The following BRD3 variants were observed in gnomAD, a reference collection of about 807,000 sequenced individuals.
BRD3 encodes bromodomain-containing protein 3.
A neutral mutation model predicts 66.8 loss-of-function variants in BRD3; 17 were observed. The observed-to-expected ratio is 0.25, with a 90% CI of 0.17 to 0.38. The LOEUF (loss-of-function observed/expected upper bound fraction) is 0.38, where lower values mean the gene tolerates loss of function less well. Among genes scored for constraint, BRD3 ranks in the 10% least tolerant of loss-of-function variants. The pLI is 1.00. For missense variants in BRD3, 713 were observed against 956.1 expected, an observed-to-expected ratio of 0.75 and a Z score of 3.35; for synonymous variants, 421 against 393.2, an observed-to-expected ratio of 1.07 and a Z score of -0.84.
intron 10 of BRD3, 26 bp from the exon 11 acceptor site, chr9:134,034,855 G>A: frequency 6.2e-7 from 1 of 1,609,746 alleles, no homozygotes; most frequent in Non-Finnish European, 8.5e-7. Context: ...TGGGCACTCA[G>A]ACTGCAGAGC....
upstream of BRD3, chr9:134,068,280 G>T (rs1176334863): frequency 6.8e-6 from 1 of 147,152 alleles, no homozygotes; most frequent in Admixed American, 6.7e-5. Context: ...AACAACGCTG[G>T]GACCCCGTGG....
intron 10 of BRD3, 35 bp downstream of exon 10, chr9:134,035,997 A>C (rs1829904259): frequency 6.4e-7 from 1 of 1,556,566 alleles, no homozygotes; most frequent in African/African-American, 1.4e-5. Context: ...AGGGGAGAGG[A>C]ACTTCAAGCA....
At chr9:134,035,982 C>A in intron 10 of BRD3, 50 bp downstream of exon 10, 2 of 1,549,580 alleles carry the variant, frequency 1.3e-6, no homozygotes, top group Non-Finnish European at 1.7e-6. Flanking sequence ...AGGGGCAGGC[C>A]AAGGAGGGGA....
intron 11 of BRD3, 79 bp downstream of exon 11, chr9:134,034,622 C>A: frequency 6.4e-7 from 1 of 1,567,156 alleles, no homozygotes; most frequent in Non-Finnish European, 8.6e-7. Flanking sequence ...CAGACGTGGG[C>A]CTGCTCGATG....
chr9:134,051,468 A>G, intron 4 of BRD3, 94 bp downstream of exon 4: 1 of 1,323,834 alleles, frequency 7.6e-7, no homozygotes, highest in Non-Finnish European at 9.9e-7. Flanking sequence ...CAGATGGGAA[A>G]CAGCTCAGAT....
Position 134,052,225 on chromosome 9 carries a change from CTGCAAAGCGCCCAGGCCCACTGCGT to C in BRD3, c.351+56_351+80del, listed in dbSNP as rs372428059. 455 of 1,545,670 alleles carry C rather than the reference CTGCAAAGCGCCCAGGCCCACTGCGT, an allele frequency of 2.9e-4. 1 individual carries two copies. The African/African-American group carries it at 5.7e-3, about 19-fold the overall frequency. ...GCGCTTTGGGCCTGCCCAAGAGCTG[CTGCAAAGCGCCCAGGCCCACTGCGT>C]TGCACAGCGCCCCAATCCTTACTGC... is the stretch of plus-strand genomic sequence containing the variant. On this transcript the variant is annotated intron_variant, in intron 3 of 11. Transcript: ENST00000303407.
At chr9:134,066,468 G>C (rs553721279) in intron 1 of BRD3, among the ~76,000 whole-genome samples, 1 of 151,880 alleles carries the variant, frequency 6.6e-6, no homozygotes, top group East Asian at 1.9e-4. Context: ...CTTAGACCCC[G>C]TTGGAAGCCA....
At chr9:134,041,982 A>T in intron 7 of BRD3, 31 bp from the exon 8 acceptor site, 1 of 1,527,812 alleles carries the variant, frequency 6.5e-7, no homozygotes, top group Non-Finnish European at 8.8e-7. Flanking sequence ...CCCTGAAGAC[A>T]TGGGTGCCCA....
chr9:134,059,642 G>A (rs1306218244), intron 1 of BRD3, among the ~76,000 whole-genome samples: 1 of 152,234 alleles, frequency 6.6e-6, no homozygotes, highest in Non-Finnish European at 1.5e-5. Flanking sequence ...CAGGGACCCT[G>A]GACACTGGAG....
chr9:134,043,000 C>T (rs1206783649), intron 7 of BRD3, among the ~76,000 whole-genome samples: 8 of 152,120 alleles, frequency 5.3e-5, no homozygotes, highest in Admixed American at 4.6e-4. Context: ...CCACTACTCC[C>T]GGCTAACTTT....
intron 1 of BRD3, among the ~76,000 whole-genome samples, chr9:134,061,330 G>A (rs1270136082): frequency 6.6e-6 from 1 of 152,238 alleles, no homozygotes; most frequent in Non-Finnish European, 1.5e-5. Context: ...CAGGGATGGG[G>A]AGTCCCAGCT....
At chr9:134,034,879 A>G (rs758595679) in intron 10 of BRD3, 50 bp from the exon 11 acceptor site, 2 of 1,605,306 alleles carry the variant, frequency 1.2e-6, no homozygotes, top group Non-Finnish European at 8.5e-7. Flanking sequence ...CCGATGGGGC[A>G]GGAGCCAGGG....
In BRD3 at chr9:134,043,870, G is replaced by C. The variant is rs563834575; in HGVS notation, c.1215+1423C>G. On this transcript the variant is annotated intron_variant, in intron 7 of 11. Coordinates refer to ENST00000303407, the MANE Select transcript of BRD3 (RefSeq NM_007371.4). ...CACACCTGACTCGTTTTTAAAATCTGTTGTAGAGACAGCTCGTCTCAAACT... is the reference window on the plus strand; with the variant it reads ...CACACCTGACTCGTTTTTAAAATCTCTTGTAGAGACAGCTCGTCTCAAACT... 1.2e-4 allele frequency among the ~76,000 whole-genome samples: 18 copies of C among 152,212 alleles called. No homozygotes were observed. The South Asian group carries it at 3.5e-3, about 30-fold the overall frequency.
chr9:134,040,198 C>A lies in BRD3; in HGVS notation c.1479G>T (p.Glu493Asp). ...APVNKPKKKK[E>D]KKEKEKKKKD... ...TCTTCTTCTTCTCCTTCTCCTTCTT[C>A]TCCTTCTTCTTCTTTGGTTTGTTTA... Residue 493 changes from glutamate to aspartate, a missense_variant, in exon 9 of 12, where the codon GAG becomes GAT. Coordinates refer to ENST00000303407, the MANE Select transcript of BRD3 (RefSeq NM_007371.4). The A allele has an allele frequency of 6.3e-7, 1 of 1,577,030 alleles. No homozygotes were observed. The highest frequency in any genetic ancestry group is 8.6e-7 in the Non-Finnish European group (1 of 1,161,530).
At chr9:134,065,203 T>C (rs1830625134) in intron 1 of BRD3, among the ~76,000 whole-genome samples, 1 of 152,064 alleles carries the variant, frequency 6.6e-6, no homozygotes. Context: ...GGCAGGTGGA[T>C]CACGAGGTGA....
rs200598840 is a variant in BRD3 at position 134,033,674 on chromosome 9, C to T, written c.2097G>A (p.Pro699=). 16 of 762,494 alleles carry T rather than the reference C, an allele frequency of 2.1e-5. No individual in the cohort carries two copies. The highest frequency in any genetic ancestry group is 2.8e-5 in the South Asian group (2 of 72,402). 47.2% of individuals were successfully genotyped at this position (762,494 alleles called of 1,614,324 possible). The stretch of plus-strand genomic sequence containing the variant: ...AGGAGCTGCTGCTGCTGAGCCTGGA[C>T]GGGCCCCCTGAGGGTGCTGAGCCGG... ...EKPGSAPSGG[P]SRLSSSSSSE... is the part of the protein sequence containing the mutation. The change falls in exon 12 of 12, where the codon CCG becomes CCA. Residue 699 remains proline (P), a synonymous_variant. Transcript: ENST00000303407. This position sits in a 1 kb window ranked among gnomAD's most constrained non-coding sequence, Gnocchi z 5.1.
intron 4 of BRD3, 111 bp downstream of exon 4, chr9:134,051,451 G>T: frequency 8.2e-7 from 1 of 1,216,468 alleles, no homozygotes; most frequent in Non-Finnish European, 1.1e-6. Flanking sequence ...CCACGAGCTC[G>T]TCACGACAGA....
chr9:134,052,289 G>A lies in BRD3; in HGVS notation c.351+17C>T, dbSNP rs1260810440. 1 of 1,610,840 alleles carries A rather than the reference G, an allele frequency of 6.2e-7. No homozygotes were observed. Among genetic ancestry groups the A allele is most frequent in the African/African-American group, 1.3e-5 (1 of 74,822 alleles). ...AATCCTTACTGCAAGCGGCGTGCCA[G>A]GCCCGCATCTTCTTACCTTGTTATA... is the stretch of plus-strand genomic sequence containing the variant. On this transcript the variant is annotated intron_variant, in intron 3 of 11. Transcript: ENST00000303407.
chr9:134,033,813 AC>A lies in BRD3; in HGVS notation c.2066-109del, dbSNP rs1202856673. On this transcript the variant is annotated intron_variant, in intron 11 of 11. Transcript: ENST00000303407. The surrounding 1 kb of genome is among the most constrained non-coding windows in gnomAD (Gnocchi z 5.1). Reference sequence around the variant, plus strand: ...ACCATCACACTGGGTGCCACGACCCACCCACTTCCTGACCCAGTCGTTTAAT... The same window carrying A: ...ACCATCACACTGGGTGCCACGACCCACCACTTCCTGACCCAGTCGTTTAAT... 1 of 606,110 alleles carries A rather than the reference AC, an allele frequency of 1.6e-6. No homozygotes were observed. The highest frequency in any genetic ancestry group is 3.0e-6 in the Non-Finnish European group (1 of 335,822). 37.5% of individuals were successfully genotyped at this position (606,110 alleles called of 1,614,324 possible). A position where few individuals can be genotyped will look rare whatever the true frequency, so the allele number is the denominator to read the frequency against.
Sources: gnomAD v4.1 joint callset for allele counts (sites outside exome capture counted in the v4.1 genomes callset) on GRCh38, gnomAD v4.1.1 for gene constraint, Gnocchi (gnomAD v3.1) non-coding constraint, MANE v1.5 for transcripts, NCBI Gene and HGNC (gene_info 2026-07-23, HGNC 2026-07-21) for gene names.